The following IQGAP2 variants were observed in gnomAD, a reference collection of about 807,000 sequenced individuals.
IQGAP2 encodes the protein ras GTPase-activating-like protein IQGAP2.
A neutral mutation model predicts 201.3 loss-of-function variants in IQGAP2; 173 were observed. The ratio of observed to expected loss-of-function variants is 0.86; its 90% CI spans 0.76 to 0.98. The LOEUF (loss-of-function observed/expected upper bound fraction) is 0.98. Ranked by LOEUF, IQGAP2 falls within the 50% of genes least tolerant of loss-of-function variation. The pLI is 0.00. For synonymous variants in IQGAP2, 675 were observed against 673.9 expected, an observed-to-expected ratio of 1.00 and a Z score of -0.03; for missense variants, 1,687 against 1,864.8, an observed-to-expected ratio of 0.90 and a Z score of 1.76.
intron 35 of IQGAP2, among the ~76,000 whole-genome samples, chr5:76,706,715 A>G (rs1747936219): frequency 6.6e-6 from 1 of 152,228 alleles, no homozygotes; most frequent in African/African-American, 2.4e-5. Context: ...TTCGATTAAA[A>G]ATTGAAATTA....
chr5:76,653,440 G>A (rs1331765384), intron 18 of IQGAP2, among the ~76,000 whole-genome samples: 1 of 152,138 alleles, frequency 6.6e-6, no homozygotes, highest in African/African-American at 2.4e-5. Context: ...CAATGGAACT[G>A]GAAAGTAGAA....
At chr5:76,404,714 G>A (rs1750701107) in intron 1 of IQGAP2, among the ~76,000 whole-genome samples, 1 of 152,168 alleles carries the variant, frequency 6.6e-6, no homozygotes, top group African/African-American at 2.4e-5. Flanking sequence ...TCTTTCCTGT[G>A]TTACCCTTGC....
At chr5:76,636,248 G>T (rs1751117795) in intron 15 of IQGAP2, among the ~76,000 whole-genome samples, 4 of 152,134 alleles carry the variant, frequency 2.6e-5, no homozygotes, top group Admixed American at 2.6e-4. Context: ...ATGTTTTTCT[G>T]TTGTTTTTAG....
chr5:76,681,477 C>G (rs1459773880), intron 28 of IQGAP2, among the ~76,000 whole-genome samples: 1 of 151,256 alleles, frequency 6.6e-6, no homozygotes, highest in Non-Finnish European at 1.5e-5. Context: ...GAAATCAAAA[C>G]TGAAACTGCA....
At chr5:76,468,546 C>A (rs1754915202) in intron 2 of IQGAP2, among the ~76,000 whole-genome samples, 1 of 152,190 alleles carries the variant, frequency 6.6e-6, no homozygotes, top group Non-Finnish European at 1.5e-5. Flanking sequence ...CCAAAGGATT[C>A]CAGCATCTCT....
chr5:76,479,109 GTT>G (rs1441392630), intron 2 of IQGAP2, among the ~76,000 whole-genome samples: 10 of 152,012 alleles, frequency 6.6e-5, no homozygotes, highest in African/African-American at 2.4e-4. Context: ...ATGGTTGATC[GTT>G]CTCTCCTCAG....
At chr5:76,654,129 G>C (rs1752723833) in intron 18 of IQGAP2, 71 bp from the exon 19 acceptor site, 2 of 1,015,002 alleles carry the variant, frequency 2.0e-6, no homozygotes, top group Admixed American at 4.0e-5. Context: ...CGTATTACGG[G>C]TTGTTTGGTG....
At chr5:76,681,214 G>A (rs575810401) in intron 28 of IQGAP2, among the ~76,000 whole-genome samples, 1 of 151,074 alleles carries the variant, frequency 6.6e-6, no homozygotes, top group Admixed American at 6.6e-5. Flanking sequence ...ACAACTCAAT[G>A]ATAGAAACAT....
intron 2 of IQGAP2, among the ~76,000 whole-genome samples, chr5:76,487,149 A>T (rs1335544618): frequency 6.8e-6 from 1 of 148,080 alleles, no homozygotes; most frequent in Admixed American, 6.8e-5. Context: ...CCCAGGCTGG[A>T]GTGCAGTGGC....
intron 17 of IQGAP2, among the ~76,000 whole-genome samples, chr5:76,641,634 A>T (rs917850946): frequency 6.6e-6 from 1 of 152,142 alleles, no homozygotes; most frequent in Non-Finnish European, 1.5e-5. Context: ...TTAAGTTTGC[A>T]TGACTTGTCT....
chr5:76,541,372 C>T (rs1012818975), intron 2 of IQGAP2, among the ~76,000 whole-genome samples: 1 of 152,094 alleles, frequency 6.6e-6, no homozygotes, highest in Admixed American at 6.6e-5. Context: ...TATTCCTTTT[C>T]GTGGCCAAAT....
chr5:76,505,066 G>A (rs1323950743), intron 2 of IQGAP2, among the ~76,000 whole-genome samples: 2 of 152,168 alleles, frequency 1.3e-5, no homozygotes, highest in Non-Finnish European at 2.9e-5. Context: ...ATGCTCAAAT[G>A]AGGTCAGTGT....
At chr5:76,656,254 G>C in intron 20 of IQGAP2, among the ~76,000 whole-genome samples, 1 of 150,922 alleles carries the variant, frequency 6.6e-6, no homozygotes, top group Non-Finnish European at 1.5e-5. Context: ...ACGGAGTCTC[G>C]CTCTTTCGCC....
At chr5:76,428,498 C>T (rs114124339) in intron 1 of IQGAP2, among the ~76,000 whole-genome samples, 9,666 of 145,254 alleles carry the variant, frequency 0.067, 515 homozygotes, top group Non-Finnish European at 0.089. Flanking sequence ...AGTGCAATGG[C>T]GCAATCTCTG....
rs144805046 is a variant in IQGAP2, at chr5:76,631,992, C to A, written c.1746C>A (p.Ala582=). 1.3e-4 allele frequency: 216 copies of A among 1,608,924 alleles called. 2 individuals carry two copies. Among genetic ancestry groups the A allele is most frequent in the South Asian group, 6.3e-4 (57 of 89,846 alleles). Residue 582 remains alanine, a synonymous_variant, in exon 15 of 36, where the codon GCC becomes GCA. Transcript: ENST00000274364. Reference sequence around the variant, plus strand: ...AGTGTGCTGACAAATACTATGATGCCCTTGTGAAGGCAAAAGAGCTCAAAT... The same window carrying A: ...AGTGTGCTGACAAATACTATGATGCACTTGTGAAGGCAAAAGAGCTCAAAT... ...IPECADKYYD[A]LVKAKELKSE...
intron 33 of IQGAP2, among the ~76,000 whole-genome samples, 167 bp from the exon 34 acceptor site, chr5:76,700,909 G>A (rs1281752677): frequency 6.6e-6 from 1 of 152,168 alleles, no homozygotes; most frequent in East Asian, 1.9e-4. Flanking sequence ...TAGTGAAGTT[G>A]CACTCTATGG....
In IQGAP2 at chr5:76,403,660, G is replaced by A; in HGVS notation, c.46+69G>A. On this transcript the variant is annotated intron_variant, in intron 1 of 35. Coordinates refer to ENST00000274364, the MANE Select transcript of IQGAP2 (RefSeq NM_006633.5). The surrounding 1 kb of genome is among the most constrained non-coding windows in gnomAD (Gnocchi z 4.8). ...CTCCCTCCCCGAGGACGGCGTTGGA[G>A]AAGCCGAGGGAGCCGGTTGCGCGGC... 1 of 1,295,964 alleles carries A rather than the reference G, an allele frequency of 7.7e-7. No homozygotes were observed. The highest frequency in any genetic ancestry group is 3.3e-5 in the Admixed American group (1 of 29,882). The allele number at this position is 1,295,964 out of a possible 1,614,324, so 80.3% of individuals were successfully genotyped here.
At chr5:76,545,711 C>T (rs1743053121) in intron 2 of IQGAP2, among the ~76,000 whole-genome samples, 1 of 152,144 alleles carries the variant, frequency 6.6e-6, no homozygotes. Flanking sequence ...TAGGGCCAAA[C>T]TGAGATTTGG....
chr5:76,470,314 G>A (rs148249857), intron 2 of IQGAP2, among the ~76,000 whole-genome samples: 2 of 152,154 alleles, frequency 1.3e-5, no homozygotes, highest in East Asian at 1.9e-4. Context: ...CATTAGAATC[G>A]AGTTACTAAG....
Sources: gnomAD v4.1 joint callset for allele counts (sites outside exome capture counted in the v4.1 genomes callset) on GRCh38, gnomAD v4.1.1 for gene constraint, Gnocchi (gnomAD v3.1) non-coding constraint, MANE v1.5 for transcripts, NCBI Gene and HGNC (gene_info 2026-07-23, HGNC 2026-07-21) for gene names.